Variants in RAP1A observed in about 807,000 individuals in gnomAD.
The protein encoded by RAP1A is ras-related protein Rap-1A.
In RAP1A, 6 loss-of-function variants were observed where a neutral mutation model predicts 26.4. The observed-to-expected ratio is 0.23, with a 90% confidence interval of 0.12 to 0.45. RAP1A has a LOEUF of 0.45. Ranked by LOEUF, RAP1A falls within the 20% of genes least tolerant of loss-of-function variation. The pLI, the probability that RAP1A is intolerant of heterozygous loss-of-function variation, is 0.99. For missense variants in RAP1A, 121 were observed against 217.2 expected (o/e 0.56, Z 2.78); for synonymous variants, 73 against 79.4 (o/e 0.92, Z 0.43).
intron 1 of RAP1A, among the ~76,000 whole-genome samples, chr1:111,679,348 G>A (rs906491527): frequency 2.6e-5 from 4 of 152,128 alleles, no homozygotes; most frequent in African/African-American, 9.7e-5. Flanking sequence ...GAGGAACGGT[G>A]CTATTCAGCC....
At chr1:111,671,255 G>A (rs1034221523) in intron 1 of RAP1A, among the ~76,000 whole-genome samples, 4 of 152,088 alleles carry the variant, frequency 2.6e-5, no homozygotes, top group Non-Finnish European at 5.9e-5. Context: ...GAGCCACCAC[G>A]CCCAACTAAA....
At chr1:111,630,027 G>T (rs1409300955) in intron 1 of RAP1A, among the ~76,000 whole-genome samples, 1 of 152,136 alleles carries the variant, frequency 6.6e-6, no homozygotes, top group Non-Finnish European at 1.5e-5. Flanking sequence ...ATGGCCTGTT[G>T]TCTTACATTT....
chr1:111,678,063 G>T (rs1260659590), intron 1 of RAP1A, among the ~76,000 whole-genome samples: 1 of 152,170 alleles, frequency 6.6e-6, no homozygotes, highest in Non-Finnish European at 1.5e-5. Flanking sequence ...TTATAGTCTA[G>T]AAATCAGATA....
chr1:111,587,229 C>G (rs1020221095), intron 1 of RAP1A, among the ~76,000 whole-genome samples: 1 of 152,160 alleles, frequency 6.6e-6, no homozygotes, highest in Non-Finnish European at 1.5e-5. Context: ...TGCTGCTAAC[C>G]TGTTCCTTCT....
At chr1:111,601,583 G>C (rs759856573) in intron 1 of RAP1A, among the ~76,000 whole-genome samples, 11 of 152,202 alleles carry the variant, frequency 7.2e-5, no homozygotes, top group Admixed American at 2.6e-4. Flanking sequence ...TCTCCAAGTA[G>C]AGAAACAAAC....
At chr1:111,567,330 G>C (rs1657943199) in intron 1 of RAP1A, among the ~76,000 whole-genome samples, 2 of 152,196 alleles carry the variant, frequency 1.3e-5, no homozygotes, top group Admixed American at 1.3e-4. Context: ...ACACTAGGTA[G>C]AAAATAGGTT....
At chr1:111,570,520 T>A (rs1045427338) in intron 1 of RAP1A, among the ~76,000 whole-genome samples, 3 of 152,130 alleles carry the variant, frequency 2.0e-5, no homozygotes, top group Non-Finnish European at 4.4e-5. Flanking sequence ...CACTGATTCT[T>A]CAATTCTCCA....
chr1:111,621,379 A>G (rs971796788), intron 1 of RAP1A, among the ~76,000 whole-genome samples: 5 of 152,138 alleles, frequency 3.3e-5, no homozygotes, highest in African/African-American at 9.7e-5. Flanking sequence ...TTCTGTCTTT[A>G]TTATGCTTTC....
At chr1:111,546,212 A>G (rs951203194) in intron 1 of RAP1A, among the ~76,000 whole-genome samples, 5 of 152,166 alleles carry the variant, frequency 3.3e-5, no homozygotes, top group Non-Finnish European at 5.9e-5. Flanking sequence ...AGCAATTTAG[A>G]AAGTACTGCC....
chr1:111,696,386 C>G (rs1661827880), intron 3 of RAP1A, among the ~76,000 whole-genome samples: 1 of 152,268 alleles, frequency 6.6e-6, no homozygotes, highest in Non-Finnish European at 1.5e-5. Flanking sequence ...TCATTGTCTT[C>G]AAATTGGAAA....
intron 1 of RAP1A, among the ~76,000 whole-genome samples, chr1:111,684,848 A>G (rs925590445): frequency 1.3e-5 from 2 of 152,156 alleles, no homozygotes; most frequent in African/African-American, 4.8e-5. Context: ...AAAAAGAACA[A>G]AGCTGGAGGT....
chr1:111,610,996 C>T (rs1461527979), intron 1 of RAP1A, among the ~76,000 whole-genome samples: 2 of 152,006 alleles, frequency 1.3e-5, no homozygotes, highest in African/African-American at 2.4e-5. Context: ...ATTGCCCTTT[C>T]TTCTTGTTTG....
At chr1:111,609,381 C>A (rs1367828495) in intron 1 of RAP1A, among the ~76,000 whole-genome samples, 1 of 152,150 alleles carries the variant, frequency 6.6e-6, no homozygotes, top group African/African-American at 2.4e-5. Context: ...TCTTTGGTAG[C>A]AAATGCTATT....
At chr1:111,680,360 C>G (rs570526876) in intron 1 of RAP1A, among the ~76,000 whole-genome samples, 1 of 152,302 alleles carries the variant, frequency 6.6e-6, no homozygotes, top group South Asian at 2.1e-4. Context: ...CCATGTCCTG[C>G]TGATTGGTCC....
intron 1 of RAP1A, chr1:111,564,081 A>G: frequency 1.5e-6 from 1 of 651,082 alleles, no homozygotes; most frequent in South Asian, 1.8e-5. Context: ...GGACATACTC[A>G]TAAAGCCTTA....
chr1:111,592,392 G>A (rs1363319806), intron 1 of RAP1A, among the ~76,000 whole-genome samples: 2 of 152,224 alleles, frequency 1.3e-5, no homozygotes, highest in African/African-American at 4.8e-5. Context: ...CAGGACAGCA[G>A]CCACTTAACC....
intron 1 of RAP1A, among the ~76,000 whole-genome samples, chr1:111,594,992 C>T (rs563793336): frequency 1.3e-5 from 2 of 152,316 alleles, no homozygotes; most frequent in South Asian, 4.1e-4. Flanking sequence ...CACAGTTGCA[C>T]TCATTCTGTA....
At chr1:111,572,749 T>G (rs1658074384) in intron 1 of RAP1A, among the ~76,000 whole-genome samples, 1 of 152,220 alleles carries the variant, frequency 6.6e-6, no homozygotes, top group African/African-American at 2.4e-5. Context: ...TTCTCTTTTT[T>G]TAACTTTTAT....
chr1:111,561,721 C>G (rs1166422558), intron 1 of RAP1A, among the ~76,000 whole-genome samples: 3 of 151,930 alleles, frequency 2.0e-5, no homozygotes, highest in African/African-American at 7.3e-5. Flanking sequence ...TTAATGGAGT[C>G]TTTCTCTCAT....
Sources: allele counts gnomAD v4.1 joint callset (sites outside exome capture counted in the v4.1 genomes callset), GRCh38; gene constraint gnomAD v4.1.1; transcripts MANE v1.5; gene names NCBI Gene and HGNC (gene_info 2026-07-23, HGNC 2026-07-21).